Variants in STAG1 observed in about 807,000 individuals in gnomAD.
The protein encoded by STAG1 is STAG1 cohesin complex component.
STAG1 carries 26 observed loss-of-function variants against 170.9 expected under a neutral mutation model. The observed-to-expected ratio is 0.15, with a 90% CI of 0.11 to 0.21. The LOEUF is 0.21. Among genes scored for constraint, STAG1 ranks in the 10% least tolerant of loss-of-function variants. STAG1 has a pLI of 1.00. For missense variants in STAG1, 964 were observed against 1,509.5 expected, an observed-to-expected ratio of 0.64 and a Z score of 5.99; for synonymous variants, 514 against 497.7, an observed-to-expected ratio of 1.03 and a Z score of -0.44.
chr3:136,497,444 C>T (rs536033736), intron 9 of STAG1, among the ~76,000 whole-genome samples: 95 of 152,082 alleles, frequency 6.2e-4, no homozygotes, highest in African/African-American at 2.2e-3. Flanking sequence ...CACATTAAGT[C>T]TTTAAAAAAT....
chr3:136,500,950 T>C (rs1018502734), intron 8 of STAG1, among the ~76,000 whole-genome samples: 2 of 152,232 alleles, frequency 1.3e-5, no homozygotes, highest in Non-Finnish European at 2.9e-5. Context: ...TTCAAGGTGG[T>C]ATCTACTATT....
At chr3:136,516,422 C>G (rs1010129071) in intron 7 of STAG1, among the ~76,000 whole-genome samples, 1 of 151,968 alleles carries the variant, frequency 6.6e-6, no homozygotes, top group Non-Finnish European at 1.5e-5. Context: ...GTGGAAGGAT[C>G]GCTTGAGCCT....
At chr3:136,477,992 A>G (rs1340295015) in intron 9 of STAG1, among the ~76,000 whole-genome samples, 1 of 151,850 alleles carries the variant, frequency 6.6e-6, no homozygotes, top group East Asian at 1.9e-4. Context: ...GTTTCATCAT[A>G]TTGGCCAGGG....
At chr3:136,450,161 G>A (rs1457685250) in intron 14 of STAG1, among the ~76,000 whole-genome samples, 3 of 152,102 alleles carry the variant, frequency 2.0e-5, no homozygotes, top group Non-Finnish European at 4.4e-5. Flanking sequence ...TTCACACTTT[G>A]CATTTTATTC....
chr3:136,485,251 A>G (rs1419787783), intron 9 of STAG1, among the ~76,000 whole-genome samples: 1 of 152,114 alleles, frequency 6.6e-6, no homozygotes, highest in African/African-American at 2.4e-5. Context: ...AAGTCAGGAG[A>G]TCGAGAACAT....
intron 4 of STAG1, among the ~76,000 whole-genome samples, chr3:136,598,323 T>A (rs1473034350): frequency 6.6e-6 from 1 of 152,210 alleles, no homozygotes; most frequent in Non-Finnish European, 1.5e-5. Context: ...AGATAACACA[T>A]CTATCCAAGT....
chr3:136,466,502 G>C, intron 12 of STAG1, among the ~76,000 whole-genome samples: 1 of 152,294 alleles, frequency 6.6e-6, no homozygotes, highest in Non-Finnish European at 1.5e-5. Flanking sequence ...ATGGGACTAC[G>C]TAAAAAGACC....
At chr3:136,639,202 GCC>G (rs1940701299) in intron 1 of STAG1, among the ~76,000 whole-genome samples, 1 of 148,012 alleles carries the variant, frequency 6.8e-6, no homozygotes, top group Non-Finnish European at 1.5e-5. Flanking sequence ...AAAAAAAAAG[GCC>G]TTGGAGTCCC....
intron 4 of STAG1, among the ~76,000 whole-genome samples, chr3:136,578,389 A>G (rs1277834661): frequency 6.6e-6 from 1 of 152,222 alleles, no homozygotes; most frequent in African/African-American, 2.4e-5. Context: ...GCAGCCCACA[A>G]GAATACTGTT....
In STAG1 at chr3:136,416,260, C is replaced by A. The variant is rs969339425; in HGVS notation, c.2196+1625G>T. Among the ~76,000 whole-genome samples the A allele has an allele frequency of 2.6e-5, 4 of 152,308 alleles. No homozygotes were observed. The East Asian group carries it at 5.8e-4, about 22-fold the overall frequency. On this transcript the variant is annotated intron_variant, in intron 21 of 33. Transcript: ENST00000383202. ...TGGCCTTGTGATCCGCCCACCTTGGCCTCCCAAAGTGCTGGGATTACAGGT... is the reference window on the plus strand; with the variant it reads ...TGGCCTTGTGATCCGCCCACCTTGGACTCCCAAAGTGCTGGGATTACAGGT...
chr3:136,385,644 C>A (rs2086853971), intron 22 of STAG1, among the ~76,000 whole-genome samples: 2 of 152,010 alleles, frequency 1.3e-5, no homozygotes, highest in Admixed American at 1.3e-4. Flanking sequence ...CTACATATAC[C>A]CATATATAAA....
At chr3:136,515,684 T>C (rs959529032) in intron 7 of STAG1, among the ~76,000 whole-genome samples, 1 of 152,162 alleles carries the variant, frequency 6.6e-6, no homozygotes, top group Non-Finnish European at 1.5e-5. Flanking sequence ...GAACCGATGA[T>C]AGAACGTAAA....
intron 14 of STAG1, among the ~76,000 whole-genome samples, chr3:136,447,676 G>A (rs955239108): frequency 8.0e-5 from 11 of 138,192 alleles, no homozygotes; most frequent in African/African-American, 3.1e-4. Flanking sequence ...GTGCGATCTC[G>A]GCTCACTGCA....
chr3:136,682,520 T>C (rs916907508), intron 1 of STAG1, among the ~76,000 whole-genome samples: 21 of 151,362 alleles, frequency 1.4e-4, no homozygotes, highest in Non-Finnish European at 2.7e-4. Flanking sequence ...AAAAAAACAC[T>C]TTTTATAACC....
intron 16 of STAG1, among the ~76,000 whole-genome samples, chr3:136,431,029 G>A (rs191676236): frequency 4.0e-5 from 6 of 151,698 alleles, no homozygotes; most frequent in Non-Finnish European, 1.5e-5. Flanking sequence ...TCAGCCTCTC[G>A]AGTAGCTGGG....
At chr3:136,637,143 T>C (rs534875627) in intron 1 of STAG1, among the ~76,000 whole-genome samples, 2 of 152,344 alleles carry the variant, frequency 1.3e-5, no homozygotes, top group Admixed American at 6.5e-5. Context: ...TATACTTAAA[T>C]TCTCTGTAGC....
chr3:136,732,325 T>C (rs560364985), intron 1 of STAG1, among the ~76,000 whole-genome samples: 8 of 152,134 alleles, frequency 5.3e-5, no homozygotes, highest in African/African-American at 1.9e-4. Context: ...CATCATCTTA[T>C]TTTGTCTAGA....
chr3:136,502,867 A>T, intron 7 of STAG1, 88 bp from the exon 8 acceptor site: 1 of 1,053,766 alleles, frequency 9.5e-7, no homozygotes, highest in Non-Finnish European at 1.3e-6. Context: ...GGATGAAGAA[A>T]TGAAACTAGT....
At chr3:136,734,119 A>C (rs9817529) in intron 1 of STAG1, among the ~76,000 whole-genome samples, 23,935 of 147,892 alleles carry the variant, frequency 0.16, 3,142 homozygotes, top group African/African-American at 0.36. Context: ...AAAAAAAAAA[A>C]AAAACAAAAC....
Sources: gnomAD v4.1 joint callset for allele counts (sites outside exome capture counted in the v4.1 genomes callset) on GRCh38, gnomAD v4.1.1 for gene constraint, MANE v1.5 for transcripts, NCBI Gene and HGNC (gene_info 2026-07-23, HGNC 2026-07-21) for gene names.